The following VWC2L variants were observed in gnomAD, a reference collection of about 807,000 sequenced individuals.
VWC2L encodes the protein von Willebrand factor C domain-containing protein 2-like.
VWC2L carries 10 observed loss-of-function variants against 21.6 expected under a neutral mutation model. That is an observed-to-expected ratio of 0.46 (90% CI 0.29 to 0.78). The LOEUF (loss-of-function observed/expected upper bound fraction) is 0.78. Ranked by LOEUF, VWC2L falls within the 30% of genes least tolerant of loss-of-function variation. VWC2L has a pLI of 0.10. For synonymous variants in VWC2L, 96 were observed against 94.3 expected (o/e 1.02, Z -0.10); for missense variants, 209 against 277.1 (o/e 0.75, Z 1.74).
In VWC2L at chr2:214,414,497, C is replaced by A. The variant is rs368875894; in HGVS notation, c.304C>A (p.His102Asn). 1.2e-6 allele frequency: 2 copies of A among 1,613,330 alleles called. No homozygotes were observed. Among genetic ancestry groups the A allele is most frequent in the African/African-American group, 2.7e-5 (2 of 74,874 alleles). ...TCACCCAAAGTGTACTAAAGTGGAA[C>A]ACAATGGATGCTGTCCTGAGTGCAA... The part of the protein sequence containing the change: ...KIHPKCTKVE[H>N]NGCCPECKEV... The change falls in exon 2 of 4, where the codon CAC (histidine) becomes AAC (asparagine). Residue 102 changes from histidine to asparagine, a missense_variant. Coordinates refer to ENST00000312504, the MANE Select transcript of VWC2L (RefSeq NM_001080500.4).
intron 3 of VWC2L, among the ~76,000 whole-genome samples, chr2:214,546,285 A>C (rs974096789): frequency 2.0e-5 from 3 of 152,198 alleles, no homozygotes; most frequent in Non-Finnish European, 4.4e-5. Context: ...GACAAGATGC[A>C]CAAAACTTCA....
intron 3 of VWC2L, among the ~76,000 whole-genome samples, chr2:214,534,884 T>C (rs1689501848): frequency 1.3e-5 from 2 of 152,104 alleles, no homozygotes; most frequent in African/African-American, 2.4e-5. Context: ...TTGTAACTAG[T>C]GTTATATTAG....
chr2:214,557,976 T>A (rs1437993347), intron 3 of VWC2L, among the ~76,000 whole-genome samples: 1 of 152,214 alleles, frequency 6.6e-6, no homozygotes, highest in Non-Finnish European at 1.5e-5. Flanking sequence ...TCTGCAGCTT[T>A]TACTTCCCAT....
At chr2:214,531,664 G>A (rs563048038) in intron 3 of VWC2L, among the ~76,000 whole-genome samples, 120 of 152,064 alleles carry the variant, frequency 7.9e-4, no homozygotes, top group Non-Finnish European at 1.5e-3. Context: ...CAGAGGTACC[G>A]TGGCCCAAAG....
chr2:214,526,217 C>A (rs1689332902), intron 3 of VWC2L, among the ~76,000 whole-genome samples: 1 of 151,466 alleles, frequency 6.6e-6, no homozygotes, highest in Non-Finnish European at 1.5e-5. Flanking sequence ...TATCTGAACA[C>A]AAATGGAAAC....
intron 3 of VWC2L, among the ~76,000 whole-genome samples, chr2:214,495,199 G>A (rs1688795351): frequency 6.6e-6 from 1 of 152,096 alleles, no homozygotes; most frequent in Non-Finnish European, 1.5e-5. Flanking sequence ...ACTGAGAGCT[G>A]TGGAAATTAA....
At chr2:214,433,570 A>T (rs2126177532) in intron 2 of VWC2L, among the ~76,000 whole-genome samples, 1 of 152,324 alleles carries the variant, frequency 6.6e-6, no homozygotes, top group South Asian at 2.1e-4. Context: ...GGAACAACCC[A>T]ATAAAAGGAA....
chr2:214,521,767 T>C (rs911112908), intron 3 of VWC2L, among the ~76,000 whole-genome samples: 16 of 152,216 alleles, frequency 1.1e-4, no homozygotes, highest in Admixed American at 9.8e-4. Flanking sequence ...GGTAACTGCC[T>C]AGCTCAGCAC....
rs181142817 is a variant in VWC2L, at chr2:214,559,911, T to C, written c.521-15761T>C. 1.4e-3 allele frequency among the ~76,000 whole-genome samples: 216 copies of C among 152,352 alleles called. 1 individual carries two copies. The highest frequency in any genetic ancestry group is 8.3e-3 in the South Asian group (40 of 4,832). The stretch of plus-strand genomic sequence containing the variant: ...CCACTGAGCCCAGCCTAATTTTTAA[T>C]ATCTATTTATACCACATCCATACAA... On this transcript the variant is annotated intron_variant, in intron 3 of 3. Coordinates refer to ENST00000312504, the MANE Select transcript of VWC2L (RefSeq NM_001080500.4).
intron 2 of VWC2L, among the ~76,000 whole-genome samples, chr2:214,433,242 A>G (rs1216649446): frequency 6.7e-6 from 1 of 149,802 alleles, no homozygotes; most frequent in African/African-American, 2.5e-5. Context: ...TTTCAACTAA[A>G]ATTTATGAAA....
intron 2 of VWC2L, among the ~76,000 whole-genome samples, chr2:214,431,406 G>T (rs554733506): frequency 3.2e-4 from 48 of 152,184 alleles, no homozygotes; most frequent in African/African-American, 1.0e-3. Context: ...AGTAAACAAA[G>T]ATTTTCTTTG....
At chr2:214,466,758 C>A (rs568025411) in intron 3 of VWC2L, among the ~76,000 whole-genome samples, 1 of 152,260 alleles carries the variant, frequency 6.6e-6, no homozygotes, top group South Asian at 2.1e-4. Flanking sequence ...GTTTTCACCT[C>A]TAGAAGTTGG....
chr2:214,467,831 T>TA (rs1354483841), intron 3 of VWC2L, among the ~76,000 whole-genome samples: 3 of 152,136 alleles, frequency 2.0e-5, no homozygotes, highest in African/African-American at 7.2e-5. Flanking sequence ...ATAATTTACA[T>TA]AAGTTGTTTA....
chr2:214,457,403 T>C (rs1703073025), intron 3 of VWC2L, among the ~76,000 whole-genome samples: 1 of 152,104 alleles, frequency 6.6e-6, no homozygotes, highest in Admixed American at 6.5e-5. Flanking sequence ...AAGTTTTTGG[T>C]GTAATCTTTA....
At chr2:214,571,062 A>T (rs1690142615) in intron 3 of VWC2L, among the ~76,000 whole-genome samples, 1 of 152,196 alleles carries the variant, frequency 6.6e-6, no homozygotes, top group Non-Finnish European at 1.5e-5. Flanking sequence ...CACAATATAA[A>T]ACCAGTAAAC....
intron 2 of VWC2L, among the ~76,000 whole-genome samples, chr2:214,426,637 G>C (rs2126174407): frequency 6.6e-6 from 1 of 152,280 alleles, no homozygotes; most frequent in East Asian, 1.9e-4. Flanking sequence ...TTGTGCCTTT[G>C]TCCTTGTCAT....
At chr2:214,492,057 C>G (rs1376848786) in intron 3 of VWC2L, among the ~76,000 whole-genome samples, 1 of 152,174 alleles carries the variant, frequency 6.6e-6, no homozygotes, top group African/African-American at 2.4e-5. Flanking sequence ...ACTCAAAATA[C>G]TATTGGGCAC....
intron 1 of VWC2L, among the ~76,000 whole-genome samples, chr2:214,412,635 T>C (rs569281691): frequency 1.3e-5 from 2 of 152,188 alleles, no homozygotes; most frequent in East Asian, 3.9e-4. Context: ...AGAGTAATTC[T>C]GATATCAGCT....
intron 3 of VWC2L, among the ~76,000 whole-genome samples, chr2:214,447,759 C>T (rs1345375102): frequency 6.6e-6 from 1 of 152,154 alleles, no homozygotes; most frequent in Non-Finnish European, 1.5e-5. Context: ...CTCTAATGTT[C>T]AGATTCCTCG....
Sources: gnomAD v4.1 joint callset for allele counts (sites outside exome capture counted in the v4.1 genomes callset) on GRCh38, gnomAD v4.1.1 for gene constraint, MANE v1.5 for transcripts, NCBI Gene and HGNC (gene_info 2026-07-23, HGNC 2026-07-21) for gene names.